RREB1: variants seen among roughly 807,000 people sequenced by gnomAD.
RREB1 encodes ras-responsive element-binding protein 1.
Under a neutral mutation model 117.8 loss-of-function variants are expected in RREB1, and 27 were observed. That is an observed-to-expected ratio of 0.23 (90% CI 0.17 to 0.32). The LOEUF (loss-of-function observed/expected upper bound fraction) is 0.32, where lower values mean the gene tolerates loss of function less well. Among genes scored for constraint, RREB1 ranks in the 10% least tolerant of loss-of-function variants. The probability of loss-of-function intolerance (pLI) is 1.00; values close to 1 mark genes in which losing one functional copy is unlikely to be tolerated. For missense variants in RREB1, 2,577 were observed against 2,378.2 expected, an observed-to-expected ratio of 1.08 and a Z score of -1.74; for synonymous variants, 1,298 against 1,026.7, an observed-to-expected ratio of 1.26 and a Z score of -5.05.
At chr6:7,223,753 AAC>A (rs567200925) in intron 8 of RREB1, among the ~76,000 whole-genome samples, 52 of 152,268 alleles carry the variant, frequency 3.4e-4, no homozygotes, top group Middle Eastern at 3.4e-3. Flanking sequence ...CTAAACAACA[AAC>A]ACATGTGGAG....
intron 1 of RREB1, among the ~76,000 whole-genome samples, chr6:7,112,109 C>T (rs773018938): frequency 5.9e-5 from 9 of 152,116 alleles, no homozygotes; most frequent in Admixed American, 3.9e-4. Context: ...CAGTTTATTC[C>T]GCCCAGTTCA....
chr6:7,233,016 C>T (rs528118563), intron 10 of RREB1, among the ~76,000 whole-genome samples: 3 of 152,290 alleles, frequency 2.0e-5, no homozygotes, highest in Admixed American at 6.5e-5. Context: ...CTGCCTCAGC[C>T]TCCCAAGTAG....
At chr6:7,199,219 A>G (rs548758797) in intron 6 of RREB1, among the ~76,000 whole-genome samples, 4 of 152,340 alleles carry the variant, frequency 2.6e-5, no homozygotes, top group South Asian at 2.1e-4. Context: ...GGAATGGTCA[A>G]GAGCCTCAAT....
chr6:7,167,662 G>C (rs1236778979), intron 1 of RREB1, among the ~76,000 whole-genome samples: 1 of 152,184 alleles, frequency 6.6e-6, no homozygotes, highest in Non-Finnish European at 1.5e-5. Context: ...AGACCATCAA[G>C]GTGAGCTCCT....
rs556464003 is a variant in RREB1, at chr6:7,230,852, C to G, written c.2753C>G (p.Ser918Cys). ...ALVQVKQENI[S>C]FLSPSSLVPY... ...GTCCAAGTGAAGCAGGAAAACATCT[C>G]CTTTCTGAGCCCTTCTTCCCTGGTC... Residue 918 changes from serine to cysteine, a missense_variant, in exon 10 of 13, where the codon TCC becomes TGC. Ser to Cys is a moderately radical substitution (Grantham distance 112). Coordinates refer to ENST00000379938, the MANE Select transcript of RREB1 (RefSeq NM_001003699.4). 2.5e-6 allele frequency: 4 copies of G among 1,614,238 alleles called. No homozygotes were observed. In the African/African-American group the frequency reaches 5.3e-5, roughly 22 times the overall value.
At chr6:7,115,857 C>T (rs1581401252) in intron 1 of RREB1, among the ~76,000 whole-genome samples, 2 of 152,142 alleles carry the variant, frequency 1.3e-5, no homozygotes, top group South Asian at 4.1e-4. Flanking sequence ...TCACCATCCA[C>T]CCAGCCTTCT....
Position 7,246,851 on chromosome 6 carries a change from G to A in RREB1, c.4401G>A (p.Arg1467=). 2 of 1,553,206 alleles carry A rather than the reference G, an allele frequency of 1.3e-6. No individual in the cohort carries two copies. The highest frequency in any genetic ancestry group is 2.4e-5 in the East Asian group (1 of 41,304). ...TCCTGGGCACCCTGAGCCGCCACCGGAAGGCGCACGGCCGCCAGGAGCCCA... is the reference window on the plus strand; with the variant it reads ...TCCTGGGCACCCTGAGCCGCCACCGAAAGGCGCACGGCCGCCAGGAGCCCA... ...FKFLGTLSRH[R]KAHGRQEPKD... is the part of the protein sequence containing the mutation. The change falls in exon 12 of 13, where the codon CGG becomes CGA. Residue 1467 remains arginine, a synonymous_variant. Coordinates refer to ENST00000379938, the MANE Select transcript of RREB1 (RefSeq NM_001003699.4).
chr6:7,205,377 T>A (rs543361026), intron 6 of RREB1, among the ~76,000 whole-genome samples: 2 of 152,344 alleles, frequency 1.3e-5, no homozygotes, highest in African/African-American at 4.8e-5. Flanking sequence ...GTGTGGAAAC[T>A]GAAGCTGAGG....
At chr6:7,203,939 A>G (rs1042026454) in intron 6 of RREB1, among the ~76,000 whole-genome samples, 2 of 152,204 alleles carry the variant, frequency 1.3e-5, no homozygotes, top group East Asian at 3.8e-4. Context: ...TATTGCCCAC[A>G]TCAGAGACTG....
intron 1 of RREB1, among the ~76,000 whole-genome samples, chr6:7,122,824 A>C (rs574361182): frequency 6.6e-6 from 1 of 152,314 alleles, no homozygotes; most frequent in Non-Finnish European, 1.5e-5. Context: ...TAAATACAGC[A>C]TGCTAGATAA....
chr6:7,229,594 G>C lies in RREB1; in HGVS notation c.1495G>C (p.Ala499Pro), dbSNP rs1322421133. 2 of 1,612,146 alleles carry C rather than the reference G, an allele frequency of 1.2e-6. No individual in the cohort carries two copies. Among genetic ancestry groups the C allele is most frequent in the South Asian group, 2.2e-5 (2 of 90,894 alleles). ...CAAGGCCCCTGCCGCCCCACTGCAG[G>C]CGATCTTCAAGCACATGCCCCCTCT... is the stretch of plus-strand genomic sequence containing the variant. ...FSKAPAAPLQ[A>P]IFKHMPPLKP... Residue 499 changes from alanine (A) to proline (P), a missense_variant, in exon 10 of 13, where the codon GCG becomes CCG. Transcript: ENST00000379938. The surrounding 1 kb of genome is among the most constrained non-coding windows in gnomAD (Gnocchi z 4.5).
At chr6:7,109,765 A>G (rs1384070120) in intron 1 of RREB1, among the ~76,000 whole-genome samples, 2 of 152,238 alleles carry the variant, frequency 1.3e-5, no homozygotes, top group African/African-American at 2.4e-5. Context: ...ACACGGCTTC[A>G]GAGCCAGCAG....
chr6:7,129,831 G>A (rs931869964), intron 1 of RREB1, among the ~76,000 whole-genome samples: 5 of 152,170 alleles, frequency 3.3e-5, no homozygotes, highest in African/African-American at 1.2e-4. Flanking sequence ...GGTCTGGTAG[G>A]CCCCTTTTTG....
chr6:7,231,883 C>A lies in RREB1; in HGVS notation c.3784C>A (p.Gln1262Lys). ...GGTTTTCCCTTGGGCCAGCTCCCTACAGAGGCACATGCTCACACACACTGG... is the reference window on the plus strand; with the variant it reads ...GGTTTTCCCTTGGGCCAGCTCCCTAAAGAGGCACATGCTCACACACACTGG... ...PRVFPWASSL[Q>K]RHMLTHTGQK... The change falls in exon 10 of 13, where the codon CAG becomes AAG. Residue 1262 changes from glutamine to lysine, a missense_variant. Physicochemically the swap from Gln to Lys is moderately conservative, Grantham distance 53 (BLOSUM62 1). Transcript: ENST00000379938. 6.2e-7 allele frequency: 1 copy of A among 1,609,292 alleles called. No homozygotes were observed. Among genetic ancestry groups the A allele is most frequent in the Non-Finnish European group, 8.5e-7 (1 of 1,177,374 alleles).
intron 1 of RREB1, among the ~76,000 whole-genome samples, chr6:7,141,978 C>T (rs961706437): frequency 5.9e-5 from 9 of 152,310 alleles, no homozygotes; most frequent in African/African-American, 1.9e-4. Flanking sequence ...TTGGGAGGCC[C>T]AGGCAGGCGG....
chr6:7,143,851 C>CTTTTT (rs11365387), intron 1 of RREB1, among the ~76,000 whole-genome samples: 91 of 89,302 alleles, frequency 1.0e-3, no homozygotes, highest in Non-Finnish European at 1.2e-3. Context: ...TTTTTTCTTT[C>CTTTTT]TTTTTTTTTT....
chr6:7,170,267 A>G (rs911416456), intron 1 of RREB1, among the ~76,000 whole-genome samples: 3 of 152,176 alleles, frequency 2.0e-5, no homozygotes, highest in African/African-American at 7.2e-5. Flanking sequence ...CCATTAAGAG[A>G]TAAACTGTAG....
chr6:7,119,430 C>CT (rs770686913), intron 1 of RREB1, among the ~76,000 whole-genome samples: 22 of 152,172 alleles, frequency 1.4e-4, no homozygotes, highest in Non-Finnish European at 3.2e-4. Context: ...AGTGTGTGGC[C>CT]TTTGTGTGTG....
At chr6:7,205,245 G>C (rs1005713527) in intron 6 of RREB1, among the ~76,000 whole-genome samples, 2 of 152,220 alleles carry the variant, frequency 1.3e-5, no homozygotes, top group Non-Finnish European at 2.9e-5. Context: ...GCAGGCCTGG[G>C]ATGGGACTCG....
Sources: gnomAD v4.1 joint callset for allele counts (sites outside exome capture counted in the v4.1 genomes callset) on GRCh38, gnomAD v4.1.1 for gene constraint, Gnocchi (gnomAD v3.1) non-coding constraint, MANE v1.5 for transcripts, NCBI Gene and HGNC (gene_info 2026-07-23, HGNC 2026-07-21) for gene names.